Variants in SYNE1 observed in about 807,000 individuals in gnomAD.
SYNE1 encodes nesprin-1.
Under a neutral mutation model 1,111.0 loss-of-function variants are expected in SYNE1, and 616 were observed. The observed-to-expected ratio is 0.55, with a 90% CI of 0.52 to 0.59. The LOEUF (loss-of-function observed/expected upper bound fraction) is 0.59, where lower values mean the gene tolerates loss of function less well. SYNE1 is among the 20% of genes least tolerant of loss of function. The pLI is 0.00. For synonymous variants in SYNE1, 3,855 were observed against 3,825.8 expected (o/e 1.01, Z -0.28); for missense variants, 10,006 against 10,417.0 (o/e 0.96, Z 1.72).
intron 3 of SYNE1, among the ~76,000 whole-genome samples, chr6:152,588,634 G>A (rs1010340023): frequency 6.6e-6 from 1 of 152,148 alleles, no homozygotes; most frequent in Non-Finnish European, 1.5e-5. Context: ...GGGATGTGTG[G>A]GATGTCAGAC....
rs1426870433 is a variant in SYNE1 at position 152,133,348 on chromosome 6, T to C, written c.25929A>G (p.Lys8643=). Residue 8643 remains lysine (K), a synonymous_variant, in exon 143 of 146, where the codon AAA becomes AAG. Transcript: ENST00000367255. ...GACGACTGACCTCCTTCAAGAGAAG[T>C]TTGAGCCGATTTCCAATAACATGGA... ...EKVHVIGNRL[K]LLLKEVSRHI... 1 of 1,614,170 alleles carries C rather than the reference T, an allele frequency of 6.2e-7. No individual in the cohort carries two copies.
At chr6:152,457,542 A>G (rs1195646798) in intron 22 of SYNE1, among the ~76,000 whole-genome samples, 2 of 152,174 alleles carry the variant, frequency 1.3e-5, no homozygotes, top group African/African-American at 2.4e-5. Flanking sequence ...TATGCATACA[A>G]TCTGTTTACT....
At chr6:152,621,446 C>T (rs967181802) in intron 3 of SYNE1, among the ~76,000 whole-genome samples, 1 of 152,002 alleles carries the variant, frequency 6.6e-6, no homozygotes, top group Non-Finnish European at 1.5e-5. Context: ...TAGAGGCCTG[C>T]CACACACTAT....
In SYNE1 at chr6:152,327,822, T is replaced by C. The variant is rs189095718; in HGVS notation, c.14956-1189A>G. Among the ~76,000 whole-genome samples, 489 of 152,342 alleles carry C rather than the reference T, an allele frequency of 3.2e-3. 1 individual carries two copies. Among genetic ancestry groups the C allele is most frequent in the Non-Finnish European group, 5.7e-3 (391 of 68,028 alleles). On this transcript the variant is annotated intron_variant, in intron 78 of 145. Coordinates refer to ENST00000367255, the MANE Select transcript of SYNE1 (RefSeq NM_182961.4). ...TGAAAATTTCTGCTAACTTCTGTTCTTACTCTACATTCTAGATTCTATATC... is the reference window on the plus strand; with the variant it reads ...TGAAAATTTCTGCTAACTTCTGTTCCTACTCTACATTCTAGATTCTATATC...
In SYNE1 at chr6:152,372,978, TAAC is replaced by T. The variant is rs2097214244; in HGVS notation, c.9507+56_9507+58del. On this transcript the variant is annotated intron_variant, in intron 59 of 145. Transcript: ENST00000367255. ...TGATATACAGAAACTGTGATTTCAC[TAAC>T]AACAACAACAATAACAAATAACACA... The T allele has an allele frequency of 6.3e-6, 10 of 1,582,840 alleles. No individual in the cohort carries two copies. In the South Asian group the frequency reaches 6.6e-5, roughly 11 times the overall value.
intron 126 of SYNE1, among the ~76,000 whole-genome samples, chr6:152,204,663 G>T (rs1180939294): frequency 6.6e-6 from 1 of 152,112 alleles, no homozygotes; most frequent in Non-Finnish European, 1.5e-5. Context: ...ACTTTAACAA[G>T]AACAGAAGAG....
At chr6:152,189,207 A>C in intron 128 of SYNE1, 45 bp downstream of exon 128, 2 of 1,607,708 alleles carry the variant, frequency 1.2e-6, no homozygotes, top group Non-Finnish European at 1.7e-6. Context: ...TTCATCTCCC[A>C]ATTTTCCATC....
chr6:152,593,010 G>T (rs2099571350), intron 3 of SYNE1, among the ~76,000 whole-genome samples: 1 of 152,054 alleles, frequency 6.6e-6, no homozygotes, highest in Non-Finnish European at 1.5e-5. Context: ...GAATATGTAG[G>T]TATTTATCTT....
intron 3 of SYNE1, among the ~76,000 whole-genome samples, chr6:152,575,617 T>C (rs2099493271): frequency 6.6e-6 from 1 of 152,234 alleles, no homozygotes; most frequent in Non-Finnish European, 1.5e-5. Context: ...TTTAAGATTG[T>C]GGAGTCAACA....
At chr6:152,214,861 G>T in intron 122 of SYNE1, 45 bp downstream of exon 122, 1 of 1,611,014 alleles carries the variant, frequency 6.2e-7, no homozygotes. Flanking sequence ...GCACAAACCA[G>T]ACTAAGACAA....
chr6:152,436,333 G>T (rs1292617872), intron 32 of SYNE1, among the ~76,000 whole-genome samples: 1 of 151,866 alleles, frequency 6.6e-6, no homozygotes, highest in African/African-American at 2.4e-5. Context: ...ATAGGGTCTT[G>T]CTCTTTTGCC....
intron 3 of SYNE1, among the ~76,000 whole-genome samples, chr6:152,541,678 G>T (rs2099270723): frequency 6.8e-6 from 1 of 146,310 alleles, no homozygotes; most frequent in African/African-American, 2.5e-5. Flanking sequence ...AACCTGTGAG[G>T]CAGAGCTTGC....
At chr6:152,191,341 G>T (rs2072295813) in intron 127 of SYNE1, among the ~76,000 whole-genome samples, 3 of 151,498 alleles carry the variant, frequency 2.0e-5, no homozygotes, top group Admixed American at 6.6e-5. Flanking sequence ...TTTCAGAATA[G>T]ATTGAGTAGG....
rs539700740 is a variant in SYNE1, at chr6:152,363,216, C to T, written c.10146-893G>A. Reference sequence around the variant, plus strand: ...ATATTTTAAATTTCATTAATCAGGCCGGGCGCGGTGACTCACGCCTGTAAT... The same window carrying T: ...ATATTTTAAATTTCATTAATCAGGCTGGGCGCGGTGACTCACGCCTGTAAT... On this transcript the variant is annotated intron_variant, in intron 63 of 145. Coordinates refer to ENST00000367255, the MANE Select transcript of SYNE1 (RefSeq NM_182961.4). Among the ~76,000 whole-genome samples the T allele has an allele frequency of 2.8e-5, 4 of 141,516 alleles. No homozygotes were observed. The South Asian group carries it at 9.9e-4, about 35-fold the overall frequency. The allele number at this position is 141,516 out of a possible 152,430, so 92.8% of individuals were successfully genotyped here.
intron 3 of SYNE1, among the ~76,000 whole-genome samples, chr6:152,560,328 T>G (rs2128220774): frequency 6.6e-6 from 1 of 152,150 alleles, no homozygotes. Flanking sequence ...ATGGTGCCAT[T>G]GCACTCCCGC....
At position 152,444,443 on chromosome 6, in the gene SYNE1, A is replaced by G; in HGVS notation, c.3805T>C (p.Phe1269Leu). ...AEKILDTENL[F>L]EAQQLLLHHQ... ...TGAAGAAGTAACTGCTGTGCTTCAAACAGATTTTCAGTATCCAAGATCTTC... is the reference window on the plus strand; with the variant it reads ...TGAAGAAGTAACTGCTGTGCTTCAAGCAGATTTTCAGTATCCAAGATCTTC... Residue 1269 changes from phenylalanine (F) to leucine (L), a missense_variant, in exon 30 of 146, where the codon TTT (phenylalanine) becomes CTT (leucine). Phe to Leu is a conservative substitution (Grantham distance 22). Transcript: ENST00000367255. 1 of 1,613,984 alleles carries G rather than the reference A, an allele frequency of 6.2e-7. No individual in the cohort carries two copies. Among genetic ancestry groups the G allele is most frequent in the Non-Finnish European group, 8.5e-7 (1 of 1,179,954 alleles).
At chr6:152,339,424 C>T in intron 74 of SYNE1, 58 bp from the exon 75 acceptor site, 1 of 1,601,582 alleles carries the variant, frequency 6.2e-7, no homozygotes, top group Admixed American at 1.7e-5. Flanking sequence ...ATAGCAAATA[C>T]TTGTATCATT....
rs777169518 is a variant in SYNE1, at chr6:152,354,954, T to A, written c.10631A>T (p.Glu3544Val). 21 of 1,614,088 alleles carry A rather than the reference T, an allele frequency of 1.3e-5. No individual in the cohort carries two copies. The highest frequency in any genetic ancestry group is 1.8e-5 in the Non-Finnish European group (21 of 1,180,042). ...DLQELQVHCA[E>V]GQALLNSVLH... ...CACTGAGTTCAACAGGGCCTGCCCC[T>A]CTGCACAGTGTACCTGTAGCTCCTG... Residue 3544 changes from glutamate (E) to valine (V), a missense_variant, in exon 67 of 146, where the codon GAG becomes GTG. Glu to Val is a moderately radical substitution (Grantham distance 121, BLOSUM62 -2). Coordinates refer to ENST00000367255, the MANE Select transcript of SYNE1 (RefSeq NM_182961.4).
At chr6:152,310,180 G>T (rs368503701) in intron 89 of SYNE1, among the ~76,000 whole-genome samples, 163 bp from the exon 90 acceptor site, 1 of 151,658 alleles carries the variant, frequency 6.6e-6, no homozygotes, top group African/African-American at 2.4e-5. Flanking sequence ...AGTGGTTCAC[G>T]TCTGTAACCC....
Sources: gnomAD v4.1 joint callset for allele counts (sites outside exome capture counted in the v4.1 genomes callset) on GRCh38, gnomAD v4.1.1 for gene constraint, MANE v1.5 for transcripts, NCBI Gene and HGNC (gene_info 2026-07-23, HGNC 2026-07-21) for gene names.